LDLRAP1: variants seen among roughly 807,000 people sequenced by gnomAD.
LDLRAP1 encodes the protein low density lipoprotein receptor adapter protein 1.
A neutral mutation model predicts 37.8 loss-of-function variants in LDLRAP1; 30 were observed. The observed-to-expected ratio is 0.79, with a 90% CI of 0.59 to 1.08. The LOEUF (loss-of-function observed/expected upper bound fraction) is 1.08, where lower values mean the gene tolerates loss of function less well. Among genes scored for constraint, LDLRAP1 ranks in the 50% least tolerant of loss-of-function variants. The pLI is 0.00. For synonymous variants in LDLRAP1, 156 were observed against 169.8 expected, an observed-to-expected ratio of 0.92 and a Z score of 0.63; for missense variants, 375 against 401.6, an observed-to-expected ratio of 0.93 and a Z score of 0.57.
chr1:25,553,664 G>C (rs190682888), intron 1 of LDLRAP1: 2 of 476,024 alleles, frequency 4.2e-6, no homozygotes, highest in African/African-American at 3.9e-5. Flanking sequence ...CCAGCTACTC[G>C]GGAGGCAGAG....
At chr1:25,582,412 C>G in the LDLRAP1 span, among the ~76,000 whole-genome samples, 1 of 151,990 alleles carries the variant, frequency 6.6e-6, no homozygotes, top group Non-Finnish European at 1.5e-5. Flanking sequence ...CGGTGAAACC[C>G]CGTCTCTACT....
the LDLRAP1 span, among the ~76,000 whole-genome samples, chr1:25,584,848 T>C: frequency 2.5e-4 from 38 of 152,302 alleles, no homozygotes; most frequent in Admixed American, 2.5e-3. Context: ...CAGCTGTCAA[T>C]TCTGGGGCAA....
rs1027881397 is a variant in LDLRAP1, at chr1:25,544,239, A to G, written c.88+453A>G. On this transcript the variant is annotated intron_variant, in intron 1 of 8. Coordinates refer to ENST00000374338, the MANE Select transcript of LDLRAP1 (RefSeq NM_015627.3). The surrounding 1 kb of genome is among the most constrained non-coding windows in gnomAD (Gnocchi z 4.8). ...GCCCCAGCCAGCAGCTGCGGCGGTC[A>G]GGAGCCCACTGGCCCGTTCTCCCGC... is the stretch of plus-strand genomic sequence containing the variant. Among the ~76,000 whole-genome samples the G allele has an allele frequency of 2.6e-5, 4 of 152,150 alleles. No homozygotes were observed. Among genetic ancestry groups the G allele is most frequent in the East Asian group, 1.9e-4 (1 of 5,180 alleles).
downstream of LDLRAP1, among the ~76,000 whole-genome samples, chr1:25,569,512 G>A (rs978022973): frequency 4.6e-5 from 7 of 152,132 alleles, no homozygotes; most frequent in African/African-American, 7.2e-5. Flanking sequence ...TGATTTTCCC[G>A]TCTGTGAAAA....
intron 4 of LDLRAP1, among the ~76,000 whole-genome samples, chr1:25,559,490 T>C (rs1334400841): frequency 6.6e-6 from 1 of 152,224 alleles, no homozygotes; most frequent in African/African-American, 2.4e-5. Context: ...TGCAGAGCCC[T>C]GACCAGGCAG....
the LDLRAP1 span, chr1:25,581,447 C>T: frequency 2.6e-5 from 4 of 152,242 alleles, no homozygotes; most frequent in Non-Finnish European, 5.9e-5. Flanking sequence ...CTGTTTCCCT[C>T]TTCAGGCTGG....
rs1450065158 is a variant in LDLRAP1, at chr1:25,566,899, C to T, written c.834C>T (p.Ala278=). 3 of 1,613,158 alleles carry T rather than the reference C, an allele frequency of 1.9e-6. No individual in the cohort carries two copies. The highest frequency in any genetic ancestry group is 1.3e-5 in the African/African-American group (1 of 74,932). ...AGGTCCTGGACACTGGCCTGACAGC[C>T]CAGGACATGCATTACGCCCAGTGCC... ...NPQVLDTGLT[A]QDMHYAQCLS... is the part of the protein sequence containing the mutation. Residue 278 remains alanine, a synonymous_variant, in exon 9 of 9, where the codon GCC becomes GCT. Coordinates refer to ENST00000374338, the MANE Select transcript of LDLRAP1 (RefSeq NM_015627.3).
chr1:25,582,007 T>G, the LDLRAP1 span, among the ~76,000 whole-genome samples: 2 of 152,188 alleles, frequency 1.3e-5, no homozygotes, highest in Non-Finnish European at 2.9e-5. Flanking sequence ...AGGGGCTTGG[T>G]GAAATCCAGC....
chr1:25,575,785 G>T, the LDLRAP1 span, among the ~76,000 whole-genome samples: 1 of 152,118 alleles, frequency 6.6e-6, no homozygotes, highest in Non-Finnish European at 1.5e-5. Context: ...ACGACCCCAT[G>T]GGCTTCTCAC....
rs746197297 is a variant in LDLRAP1, at chr1:25,554,959, G to A, written c.331G>A (p.Val111Met). 2 of 1,613,708 alleles carry A rather than the reference G, an allele frequency of 1.2e-6. No individual in the cohort carries two copies. The highest frequency in any genetic ancestry group is 1.7e-6 in the Non-Finnish European group (2 of 1,179,702). ...DNLTNQLIEN[V>M]SIYRISYCTA... ...CCTCACCAACCAGCTCATTGAGAAC[G>A]TGTCCATATACAGGTACGCTCAGCA... is the stretch of plus-strand genomic sequence containing the variant. Residue 111 changes from valine to methionine, a missense_variant, in exon 3 of 9, where the codon GTG becomes ATG. By Grantham distance (21) the Val-to-Met change is conservative. Coordinates refer to ENST00000374338, the MANE Select transcript of LDLRAP1 (RefSeq NM_015627.3). The surrounding 1 kb of genome is among the most constrained non-coding windows in gnomAD (Gnocchi z 5.4).
chr1:25,582,450 T>C, the LDLRAP1 span, among the ~76,000 whole-genome samples: 1 of 151,812 alleles, frequency 6.6e-6, no homozygotes, highest in Non-Finnish European at 1.5e-5. Context: ...CTGGGCATGG[T>C]GGCATGCACC....
At chr1:25,566,009 G>A (rs924404347) in intron 8 of LDLRAP1, among the ~76,000 whole-genome samples, 1 of 152,114 alleles carries the variant, frequency 6.6e-6, no homozygotes, top group African/African-American at 2.4e-5. Context: ...AAACCCCTTG[G>A]TCCAGCCTGG....
downstream of LDLRAP1, among the ~76,000 whole-genome samples, chr1:25,571,781 G>C (rs948749616): frequency 4.6e-5 from 7 of 152,226 alleles, no homozygotes; most frequent in African/African-American, 1.7e-4. Context: ...CAAGTGTCCA[G>C]CACAGAGGTA....
the LDLRAP1 span, among the ~76,000 whole-genome samples, chr1:25,582,313 G>A: frequency 1.3e-4 from 20 of 152,292 alleles, no homozygotes; most frequent in South Asian, 2.1e-4. Context: ...TGGTCTGGGC[G>A]TGGTGGCTCA....
chr1:25,555,022 G>T lies in LDLRAP1; in HGVS notation c.344+50G>T. 5 of 1,324,998 alleles carry T rather than the reference G, an allele frequency of 3.8e-6. No individual in the cohort carries two copies. Among genetic ancestry groups the T allele is most frequent in the Non-Finnish European group, 5.4e-6 (5 of 919,416 alleles). 82.1% of individuals were successfully genotyped at this position (1,324,998 alleles called of 1,614,324 possible). On this transcript the variant is annotated intron_variant, in intron 3 of 8. Coordinates refer to ENST00000374338, the MANE Select transcript of LDLRAP1 (RefSeq NM_015627.3). The surrounding 1 kb of genome is among the most constrained non-coding windows in gnomAD (Gnocchi z 4.7). ...ATCCACTCTGCCACTTGGGGCAGTGGGTGGAGTATCCCATCTGAATCCAGG... is the reference window on the plus strand; with the variant it reads ...ATCCACTCTGCCACTTGGGGCAGTGTGTGGAGTATCCCATCTGAATCCAGG...
In LDLRAP1 at chr1:25,543,692, G is replaced by A; in HGVS notation, c.-7G>A. 8.2e-7 allele frequency: 1 copy of A among 1,215,846 alleles called. No individual in the cohort carries two copies. Among genetic ancestry groups the A allele is most frequent in the Non-Finnish European group, 1.0e-6 (1 of 978,042 alleles). 75.3% of individuals were successfully genotyped at this position (1,215,846 alleles called of 1,614,324 possible). A position where few individuals can be genotyped will look rare whatever the true frequency, so the allele number is the denominator to read the frequency against. On this transcript the variant is annotated 5_prime_UTR_variant, in exon 1 of 9. Transcript: ENST00000374338. ...TGCGGCAGCGGCGGCGGCGGCCGGA[G>A]CGGGCCATGGACGCGCTCAAGTCGG...
chr1:25,557,692 C>G (rs964717525), intron 4 of LDLRAP1, among the ~76,000 whole-genome samples: 1 of 152,020 alleles, frequency 6.6e-6, no homozygotes, highest in Non-Finnish European at 1.5e-5. Context: ...CTTGCTGTGA[C>G]TGGAGTGTGG....
chr1:25,583,504 TA>T, the LDLRAP1 span, among the ~76,000 whole-genome samples: 2 of 152,044 alleles, frequency 1.3e-5, no homozygotes, highest in Non-Finnish European at 2.9e-5. Context: ...TTTTTGGGAT[TA>T]AAAAAAATCT....
chr1:25,564,457 A>G (rs1302236630), intron 7 of LDLRAP1: 2 of 157,662 alleles, frequency 1.3e-5, no homozygotes, highest in South Asian at 1.9e-4. Flanking sequence ...TATATAATCT[A>G]TAGAACTTAC....
Sources: allele counts gnomAD v4.1 joint callset (sites outside exome capture counted in the v4.1 genomes callset), GRCh38; gene constraint gnomAD v4.1.1; non-coding constraint Gnocchi (gnomAD v3.1); transcripts MANE v1.5; gene names NCBI Gene and HGNC (gene_info 2026-07-23, HGNC 2026-07-21).